SLC22A14: variants seen among roughly 807,000 people sequenced by gnomAD.
The protein encoded by SLC22A14 is organic cation transporter-like 4.
Under a neutral mutation model 53.9 loss-of-function variants are expected in SLC22A14, and 50 were observed. That is an observed-to-expected ratio of 0.93 (90% CI 0.74 to 1.17). The LOEUF is 1.17. Ranked by LOEUF, SLC22A14 falls within the 50% of genes most tolerant of loss-of-function variation. The pLI, the probability that SLC22A14 is intolerant of heterozygous loss-of-function variation, is 0.00. For synonymous variants in SLC22A14, 312 were observed against 303.0 expected (o/e 1.03, Z -0.31); for missense variants, 671 against 734.7 (o/e 0.91, Z 1.00).
In SLC22A14 at chr3:38,314,689, G is replaced by C. The variant is rs546063899; in HGVS notation, c.1378+748G>C. Among the ~76,000 whole-genome samples the C allele has an allele frequency of 1.1e-4, 17 of 152,344 alleles. No homozygotes were observed. The East Asian group carries it at 3.3e-3, about 29-fold the overall frequency. On this transcript the variant is annotated intron_variant, in intron 8 of 10. Coordinates refer to ENST00000448498, the MANE Select transcript of SLC22A14 (RefSeq NM_001320033.2). The stretch of plus-strand genomic sequence containing the variant: ...GAGGGGCTCCCTCCCTTTCTCCAGG[G>C]CTGGAATTGTGTGTGTCTGGATTAG...
intron 1 of SLC22A14, among the ~76,000 whole-genome samples, chr3:38,300,760 C>G (rs1420621055): frequency 6.6e-6 from 1 of 152,166 alleles, no homozygotes; most frequent in African/African-American, 2.4e-5. Flanking sequence ...TGTCAGACCC[C>G]AAGAAGGAAA....
At chr3:38,309,999 A>C (rs1337006852) in intron 5 of SLC22A14, among the ~76,000 whole-genome samples, 3 of 152,156 alleles carry the variant, frequency 2.0e-5, no homozygotes, top group Non-Finnish European at 4.4e-5. Flanking sequence ...AAAGTGGGGC[A>C]CCTGGGATTT....
intron 1 of SLC22A14, among the ~76,000 whole-genome samples, chr3:38,302,282 A>G (rs991124027): frequency 4.1e-5 from 6 of 146,430 alleles, no homozygotes; most frequent in African/African-American, 1.5e-4. Flanking sequence ...ATATATACAC[A>G]TATATATTTA....
chr3:38,306,221 C>T lies in SLC22A14; in HGVS notation c.195C>T (p.Phe65=). Residue 65 remains phenylalanine, a synonymous_variant, in exon 2 of 11, where the codon TTC becomes TTT. Coordinates refer to ENST00000448498, the MANE Select transcript of SLC22A14 (RefSeq NM_001320033.2). ...ATGCGGTGGGGGAGTTTGGCACATT[C>T]CAGCAGAGGCTAGTAGCCCTCACCT... The part of the protein sequence containing the change: ...LLDAVGEFGT[F]QQRLVALTFI... The T allele has an allele frequency of 6.2e-7, 1 of 1,614,146 alleles. No homozygotes were observed. Among genetic ancestry groups the T allele is most frequent in the Non-Finnish European group, 8.5e-7 (1 of 1,180,006 alleles).
At chr3:38,289,677 C>A (rs13064437) in intron 1 of SLC22A14, among the ~76,000 whole-genome samples, 30,618 of 152,072 alleles carry the variant, frequency 0.2, 3,295 homozygotes, top group African/African-American at 0.27. Context: ...AATGGCAAGC[C>A]TTTAGCCCGA....
intron 1 of SLC22A14, among the ~76,000 whole-genome samples, chr3:38,303,473 G>T (rs1704217124): frequency 1.3e-5 from 2 of 151,028 alleles, no homozygotes; most frequent in Admixed American, 1.3e-4. Flanking sequence ...CTCCCACCAT[G>T]ATTTCTTCTT....
chr3:38,309,996 G>A (rs1218332391), intron 5 of SLC22A14, among the ~76,000 whole-genome samples: 1 of 152,118 alleles, frequency 6.6e-6, no homozygotes, highest in East Asian at 1.9e-4. Context: ...TAGAAAGTGG[G>A]GCACCTGGGA....
Position 38,286,317 on chromosome 3 carries a change from C to T in SLC22A14, c.-1+3978C>T, listed in dbSNP as rs146430927. Among the ~76,000 whole-genome samples, 132 of 152,278 alleles carry T rather than the reference C, an allele frequency of 8.7e-4. 1 individual carries two copies. The highest frequency in any genetic ancestry group is 3.0e-3 in the African/African-American group (123 of 41,562). ...TACCATGGTCTTGATTTGCATTTCC[C>T]TCATTATTAAAGAGGTTGAGCATCT... On this transcript the variant is annotated intron_variant, in intron 1 of 10. Coordinates refer to ENST00000448498, the MANE Select transcript of SLC22A14 (RefSeq NM_001320033.2).
chr3:38,290,111 G>A (rs7630884), intron 1 of SLC22A14, among the ~76,000 whole-genome samples: 30,547 of 152,080 alleles, frequency 0.2, 3,301 homozygotes, highest in African/African-American at 0.27. Context: ...AGGTGGATAT[G>A]GTCACCTTCC....
intron 1 of SLC22A14, among the ~76,000 whole-genome samples, chr3:38,302,997 C>T (rs976783927): frequency 1.2e-4 from 18 of 152,060 alleles, no homozygotes; most frequent in Non-Finnish European, 2.5e-4. Context: ...ATTTAATTCA[C>T]CTAAGTTTTT....
chr3:38,310,743 T>A (rs745782992), intron 5 of SLC22A14, among the ~76,000 whole-genome samples: 8 of 152,226 alleles, frequency 5.3e-5, no homozygotes, highest in Non-Finnish European at 8.8e-5. Flanking sequence ...GTTCACCCCA[T>A]AACCTCTTTC....
intron 1 of SLC22A14, among the ~76,000 whole-genome samples, chr3:38,300,573 T>C (rs1704138160): frequency 6.6e-6 from 1 of 152,178 alleles, no homozygotes. Context: ...CTTCTCCCAA[T>C]GAAAGTACAT....
Position 38,313,120 on chromosome 3 carries a change from G to C in SLC22A14, c.1065+1G>C. The C allele has an allele frequency of 1.2e-6, 2 of 1,610,564 alleles. No homozygotes were observed. Among genetic ancestry groups the C allele is most frequent in the Non-Finnish European group, 1.7e-6 (2 of 1,178,688 alleles). On this transcript the variant is annotated splice_donor_variant, in intron 6 of 10. Coordinates refer to ENST00000448498, the MANE Select transcript of SLC22A14 (RefSeq NM_001320033.2). LOFTEE classifies it high-confidence loss of function. ...CATTCCTTCAAATCTGCTGGACGAG[G>C]TAAAGGGCTTCTGGCCAGGAGTGGG... is the stretch of plus-strand genomic sequence containing the variant.
chr3:38,311,918 A>C (rs1476852341), intron 5 of SLC22A14, among the ~76,000 whole-genome samples: 1 of 152,020 alleles, frequency 6.6e-6, no homozygotes, highest in Non-Finnish European at 1.5e-5. Flanking sequence ...CTGTTTTTTC[A>C]GTGGACATGA....
At chr3:38,313,227 C>A (rs1056069361) in intron 6 of SLC22A14, 108 bp downstream of exon 6, 2 of 1,504,234 alleles carry the variant, frequency 1.3e-6, no homozygotes, top group African/African-American at 2.8e-5. Context: ...GCCCCCAGTC[C>A]ACTGCTTAAG....
intron 1 of SLC22A14, among the ~76,000 whole-genome samples, chr3:38,287,065 C>T (rs879334662): frequency 6.6e-6 from 1 of 152,030 alleles, no homozygotes; most frequent in Non-Finnish European, 1.5e-5. Flanking sequence ...ATACTCTTTA[C>T]ATAGTCTTGA....
intron 1 of SLC22A14, among the ~76,000 whole-genome samples, chr3:38,297,238 C>T (rs1025643738): frequency 2.0e-5 from 3 of 152,118 alleles, no homozygotes; most frequent in African/African-American, 7.2e-5. Context: ...GTTGCAAGCC[C>T]CGTGTTTAAA....
At chr3:38,312,706 G>A (rs1167873928) in intron 5 of SLC22A14, among the ~76,000 whole-genome samples, 1 of 152,230 alleles carries the variant, frequency 6.6e-6, no homozygotes, top group African/African-American at 2.4e-5. Flanking sequence ...GATAGAAAAG[G>A]AGAGAGCTCT....
chr3:38,300,866 G>A (rs1704143340), intron 1 of SLC22A14, among the ~76,000 whole-genome samples: 1 of 152,148 alleles, frequency 6.6e-6, no homozygotes, highest in African/African-American at 2.4e-5. Flanking sequence ...TATTTTTTTA[G>A]AGATAAGGTC....
Sources: allele counts gnomAD v4.1 joint callset (sites outside exome capture counted in the v4.1 genomes callset), GRCh38; gene constraint gnomAD v4.1.1; transcripts MANE v1.5; gene names NCBI Gene and HGNC (gene_info 2026-07-23, HGNC 2026-07-21).